The following BTD variants were observed in gnomAD, a reference collection of about 807,000 sequenced individuals.
BTD encodes biocytinase.
In BTD, 13 loss-of-function variants were observed where a neutral mutation model predicts 17.7. That is an observed-to-expected ratio of 0.74 (90% CI 0.48 to 1.17). The LOEUF is 1.17. Ranked by LOEUF, BTD falls within the 50% of genes most tolerant of loss-of-function variation. The probability of loss-of-function intolerance (pLI) is 0.00; values close to 1 mark genes in which losing one functional copy is unlikely to be tolerated. For missense variants in BTD, 674 were observed against 650.4 expected (o/e 1.04, Z -0.39); for synonymous variants, 240 against 245.2 (o/e 0.98, Z 0.20).
At chr3:15,612,904 C>G (rs1478593192) in intron 1 of BTD, among the ~76,000 whole-genome samples, 3 of 152,160 alleles carry the variant, frequency 2.0e-5, no homozygotes, top group Non-Finnish European at 4.4e-5. Context: ...GCTGAGTTTT[C>G]TTCCAAATTC....
chr3:15,636,999 A>T (rs973110180), intron 2 of BTD, among the ~76,000 whole-genome samples: 4 of 152,092 alleles, frequency 2.6e-5, no homozygotes, highest in Non-Finnish European at 5.9e-5. Flanking sequence ...ACTTCTGAAC[A>T]GGTCTTCCTT....
chr3:15,654,080 T>C (rs978065299), downstream of BTD, among the ~76,000 whole-genome samples: 4 of 152,210 alleles, frequency 2.6e-5, no homozygotes, highest in African/African-American at 9.7e-5. Context: ...AACATGGGAT[T>C]TAAATACACA....
chr3:15,676,883 C>T, intron 3 of BTD: 1 of 1,026,206 alleles, frequency 9.7e-7, no homozygotes, highest in South Asian at 1.5e-5. Context: ...CTAATGAAAC[C>T]TATTCCAATA....
chr3:15,714,507 T>G, downstream of BTD: 2 of 1,100,628 alleles, frequency 1.8e-6, no homozygotes, highest in Non-Finnish European at 1.3e-6. Flanking sequence ...ACCATTCATT[T>G]GGTGGATGTT....
chr3:15,637,407 C>G (rs1472499346), intron 2 of BTD, among the ~76,000 whole-genome samples: 1 of 152,112 alleles, frequency 6.6e-6, no homozygotes, highest in Non-Finnish European at 1.5e-5. Flanking sequence ...TTCACATGAG[C>G]AGACACACAT....
At chr3:15,705,571 G>T (rs2071241079) in intron 3 of BTD, among the ~76,000 whole-genome samples, 1 of 151,756 alleles carries the variant, frequency 6.6e-6, no homozygotes, top group Non-Finnish European at 1.5e-5. Flanking sequence ...GATAAATTAG[G>T]GATAAGCTAC....
chr3:15,639,583 C>T (rs143216145), intron 2 of BTD, among the ~76,000 whole-genome samples: 9 of 152,214 alleles, frequency 5.9e-5, no homozygotes, highest in East Asian at 5.8e-4. Flanking sequence ...CAAAGTCAAA[C>T]GGTGGTACAT....
intron 1 of BTD, among the ~76,000 whole-genome samples, chr3:15,619,953 A>G (rs2064901973): frequency 2.0e-5 from 3 of 152,230 alleles, no homozygotes. Context: ...TACAAAGATC[A>G]CATGCTTCAA....
At chr3:15,678,379 T>C in intron 3 of BTD, 3 of 1,578,000 alleles carry the variant, frequency 1.9e-6, no homozygotes, top group Non-Finnish European at 2.6e-6. Flanking sequence ...AATTGAAATA[T>C]ATGACTAAAT....
chr3:15,693,288 A>C (rs2069043304), intron 3 of BTD, among the ~76,000 whole-genome samples: 1 of 152,124 alleles, frequency 6.6e-6, no homozygotes, highest in African/African-American at 2.4e-5. Context: ...CACCATATAC[A>C]CATACAAAAT....
In BTD at chr3:15,644,783, A is replaced by G. The variant is rs915150723; in HGVS notation, c.867A>G (p.Thr289=). The G allele has an allele frequency of 6.2e-7, 1 of 1,614,208 alleles. No individual in the cohort carries two copies. Among genetic ancestry groups the G allele is most frequent in the Non-Finnish European group, 8.5e-7 (1 of 1,180,050 alleles). ...TCCACCACCCAGTTCTGGGGATGAC[A>G]GGAAGTGGCATACACACCCCTCTGG... ...ANVHHPVLGM[T]GSGIHTPLES... is the part of the protein sequence containing the mutation. Residue 289 remains threonine, a synonymous_variant, in exon 4 of 4, where the codon ACA becomes ACG. Transcript: ENST00000643237.
downstream of BTD, chr3:15,714,547 AC>A (rs1553604438): frequency 3.4e-6 from 5 of 1,463,654 alleles, no homozygotes; most frequent in African/African-American, 1.5e-5. Flanking sequence ...AAAAAAAAAA[AC>A]CCCAAAAAAA....
At chr3:15,704,265 C>A (rs762335298) in intron 3 of BTD, among the ~76,000 whole-genome samples, 5 of 151,826 alleles carry the variant, frequency 3.3e-5, no homozygotes, top group Non-Finnish European at 7.4e-5. Context: ...GGCATCAGGA[C>A]AATGGGGGTA....
At chr3:15,679,285 A>G (rs757954880) in intron 3 of BTD, 5 of 1,611,872 alleles carry the variant, frequency 3.1e-6, no homozygotes, top group South Asian at 2.2e-5. Flanking sequence ...TATTTAATAC[A>G]TAGTTGAATT....
chr3:15,642,283 A>C (rs1227744612), intron 3 of BTD: 32 of 1,428,216 alleles, frequency 2.2e-5, no homozygotes, highest in Non-Finnish European at 2.8e-5. Context: ...TTAATTACAC[A>C]ATAAATACAG....
chr3:15,722,350 A>C (rs574976079), downstream of BTD, among the ~76,000 whole-genome samples: 13 of 152,326 alleles, frequency 8.5e-5, no homozygotes, highest in South Asian at 2.7e-3. Context: ...TCATACTGTC[A>C]CACACTGATG....
chr3:15,637,438 C>G (rs1025656030), intron 2 of BTD, among the ~76,000 whole-genome samples: 2 of 152,148 alleles, frequency 1.3e-5, no homozygotes, highest in African/African-American at 4.8e-5. Flanking sequence ...CCATCCTGTA[C>G]TTATAAATTA....
At chr3:15,680,365 A>G (rs1225055020) in intron 3 of BTD, among the ~76,000 whole-genome samples, 1 of 151,540 alleles carries the variant, frequency 6.6e-6, no homozygotes, top group Non-Finnish European at 1.5e-5. Flanking sequence ...CACCATGCCC[A>G]GCTAGCTTTT....
At chr3:15,703,716 C>T (rs1298580203) in intron 3 of BTD, among the ~76,000 whole-genome samples, 1 of 152,080 alleles carries the variant, frequency 6.6e-6, no homozygotes, top group South Asian at 2.1e-4. Context: ...TGCGAAGTTA[C>T]GATGTTGCTG....
Sources: gnomAD v4.1 joint callset for allele counts (sites outside exome capture counted in the v4.1 genomes callset) on GRCh38, gnomAD v4.1.1 for gene constraint, MANE v1.5 for transcripts, NCBI Gene and HGNC (gene_info 2026-07-23, HGNC 2026-07-21) for gene names.